Variants in PPEF2 observed in about 807,000 individuals in gnomAD.
PPEF2 encodes serine/threonine-protein phosphatase with EF-hands 2.
In PPEF2, 84 loss-of-function variants were observed where a neutral mutation model predicts 84.7. That is an observed-to-expected ratio of 0.99 (90% CI 0.83 to 1.19). The LOEUF is 1.19. Among genes scored for constraint, PPEF2 ranks in the 50% most tolerant of loss-of-function variants. The pLI is 0.00. For synonymous variants in PPEF2, 346 were observed against 345.2 expected, an observed-to-expected ratio of 1.00 and a Z score of -0.03; for missense variants, 924 against 937.5, an observed-to-expected ratio of 0.99 and a Z score of 0.19.
At chr4:75,890,257 G>T in intron 4 of PPEF2, 125 bp from the exon 5 acceptor site, 1 of 1,024,168 alleles carries the variant, frequency 9.8e-7, no homozygotes, top group Non-Finnish European at 1.4e-6. Context: ...GGGCCAAGGA[G>T]GGAGGATTGC....
At position 75,898,175 on chromosome 4, in the gene PPEF2, C is replaced by G. The variant is rs112782367; in HGVS notation, c.-58-1792G>C. Among the ~76,000 whole-genome samples, 9 of 152,316 alleles carry G rather than the reference C, an allele frequency of 5.9e-5. No homozygotes were observed. The East Asian group carries it at 1.7e-3, about 29-fold the overall frequency. On this transcript the variant is annotated intron_variant, in intron 1 of 16. Coordinates refer to ENST00000286719, the MANE Select transcript of PPEF2 (RefSeq NM_006239.3). Reference sequence around the variant, plus strand: ...CCTTTAAGCGGTTTTCTGCCCTGGGCGGGCCAGATGTTCCCTGCCCTCATT... The same window carrying G: ...CCTTTAAGCGGTTTTCTGCCCTGGGGGGGCCAGATGTTCCCTGCCCTCATT...
At chr4:75,895,414 G>A (rs2149229836) in intron 2 of PPEF2, among the ~76,000 whole-genome samples, 2 of 149,726 alleles carry the variant, frequency 1.3e-5, no homozygotes, top group Admixed American at 1.3e-4. Flanking sequence ...GGGCCACAGA[G>A]GGAAACTCGG....
intron 12 of PPEF2, among the ~76,000 whole-genome samples, chr4:75,872,740 T>C (rs1284779644): frequency 2.0e-5 from 3 of 152,142 alleles, no homozygotes; most frequent in Non-Finnish European, 4.4e-5. Context: ...GAGACAAATA[T>C]TGTAGGATTT....
intron 6 of PPEF2, among the ~76,000 whole-genome samples, chr4:75,887,620 C>CAAAAAAAAA (rs34334071): frequency 8.1e-6 from 1 of 123,638 alleles, no homozygotes; most frequent in Non-Finnish European, 1.7e-5. Flanking sequence ...GACTGTGTCT[C>CAAAAAAAAA]AAAAAAAAAA....
chr4:75,898,799 G>A (rs1349603159), intron 1 of PPEF2, among the ~76,000 whole-genome samples: 2 of 151,948 alleles, frequency 1.3e-5, no homozygotes, highest in Non-Finnish European at 2.9e-5. Context: ...TACATTGTGT[G>A]ATCAAAGCAT....
At chr4:75,871,364 C>T (rs565426583) in intron 13 of PPEF2, among the ~76,000 whole-genome samples, 4 of 152,166 alleles carry the variant, frequency 2.6e-5, no homozygotes, top group East Asian at 3.9e-4. Flanking sequence ...AACACAAACC[C>T]GTTAAAGATG....
chr4:75,885,945 G>A (rs1276994979), intron 7 of PPEF2, among the ~76,000 whole-genome samples: 1 of 151,972 alleles, frequency 6.6e-6, no homozygotes, highest in African/African-American at 2.4e-5. Context: ...GGACGCGGAG[G>A]TTGCAGTGAG....
At position 75,884,720 on chromosome 4, in the gene PPEF2, C is replaced by T. The variant is rs1321294312; in HGVS notation, c.620G>A (p.Gly207Asp). The change falls in exon 8 of 17, where the codon GGT (glycine) becomes GAT (aspartate). Residue 207 changes from glycine (G) to aspartate (D), a missense_variant. Gly to Asp is a moderately conservative substitution (Grantham distance 94). Coordinates refer to ENST00000286719, the MANE Select transcript of PPEF2 (RefSeq NM_006239.3). ...PSPERSYVFN[G>D]DFVDRGKDSV... ...ATCCTTGCCTCGATCCACAAAGTCA[C>T]CGTTGAACACATATGACCGTTCTGG... 2 of 1,610,486 alleles carry T rather than the reference C, an allele frequency of 1.2e-6. No homozygotes were observed. The highest frequency in any genetic ancestry group is 1.3e-5 in the African/African-American group (1 of 74,738).
intron 1 of PPEF2, among the ~76,000 whole-genome samples, chr4:75,900,221 C>A (rs1204199160): frequency 1.3e-5 from 2 of 151,988 alleles, no homozygotes. Context: ...TTAAATAAAT[C>A]CTCTTTTGCC....
chr4:75,882,865 T>C, intron 10 of PPEF2, 61 bp downstream of exon 10: 2 of 1,546,554 alleles, frequency 1.3e-6, no homozygotes, highest in Non-Finnish European at 1.8e-6. Context: ...TAAGATGACA[T>C]TTATATTGGC....
At chr4:75,889,324 G>T (rs190674378) in intron 5 of PPEF2, 1 of 152,592 alleles carries the variant, frequency 6.6e-6, no homozygotes, top group Non-Finnish European at 1.5e-5. Context: ...CTCTTCCCCT[G>T]GCTCCCTCTT....
chr4:75,883,488 TG>T, intron 8 of PPEF2: 1 of 390,652 alleles, frequency 2.6e-6, no homozygotes, highest in Non-Finnish European at 4.6e-6. Flanking sequence ...ACAAATTCAA[TG>T]GTTTCATTGG....
chr4:75,877,246 G>A (rs60044896), intron 10 of PPEF2, among the ~76,000 whole-genome samples: 13,119 of 151,536 alleles, frequency 0.087, 1,867 homozygotes, highest in African/African-American at 0.3. Flanking sequence ...CTGAGGCAGG[G>A]GAATTGCTTG....
At chr4:75,883,351 C>T (rs5015809) in intron 8 of PPEF2, 149 bp from the exon 9 acceptor site, 656,094 of 688,472 alleles carry the variant, frequency 0.95, 317,728 homozygotes, top group East Asian at 1. Context: ...ATGTTTAAAA[C>T]TATGTCATTA....
chr4:75,870,556 A>G (rs1279524713), intron 13 of PPEF2, among the ~76,000 whole-genome samples: 1 of 152,340 alleles, frequency 6.6e-6, no homozygotes, highest in Non-Finnish European at 1.5e-5. Context: ...AAGCATGTTC[A>G]ATAGCACTAA....
chr4:75,864,446 G>A lies in PPEF2; in HGVS notation c.2002C>T (p.His668Tyr), dbSNP rs1362394165. 2 of 1,600,898 alleles carry A rather than the reference G, an allele frequency of 1.2e-6. No homozygotes were observed. The highest frequency in any genetic ancestry group is 2.2e-5 in the South Asian group (2 of 90,730). ...GAATAATGAGTGCCTTTACCTGAAT[G>A]ATCACTGTCTATGATCCTAAAAATG... Reference protein sequence around the residue: ...ETIFRIIDSDHSGFISLDEFR... With the variant: ...ETIFRIIDSDYSGFISLDEFR... Residue 668 changes from histidine to tyrosine, a missense_variant, in exon 16 of 17, where the codon CAT becomes TAT. Coordinates refer to ENST00000286719, the MANE Select transcript of PPEF2 (RefSeq NM_006239.3).
chr4:75,882,535 C>T (rs1724603708), intron 10 of PPEF2, among the ~76,000 whole-genome samples: 1 of 85,166 alleles, frequency 1.2e-5, no homozygotes, highest in African/African-American at 3.1e-5. Flanking sequence ...TGCAGGTTCT[C>T]AATCTTTTTT....
In PPEF2 at chr4:75,890,001, G is replaced by A. The variant is rs1724835073; in HGVS notation, c.373C>T (p.Pro125Ser). 1.2e-6 allele frequency: 2 copies of A among 1,614,046 alleles called. No homozygotes were observed. The highest frequency in any genetic ancestry group is 1.7e-6 in the Non-Finnish European group (2 of 1,180,034). ...TCTACCAGGGCAGTTGCATGGTCAG[G>A]CAGGAGTGGGAAGGAGAGGCGTGGC... ...TGPRLSFPLL[P>S]DHATALVEAF... is the part of the protein sequence containing the mutation. The change falls in exon 5 of 17, where the codon CCT becomes TCT. Residue 125 changes from proline (P) to serine (S), a missense_variant. Physicochemically the swap from Pro to Ser is moderately conservative, Grantham distance 74. Coordinates refer to ENST00000286719, the MANE Select transcript of PPEF2 (RefSeq NM_006239.3).
At chr4:75,898,058 G>A (rs574165825) in intron 1 of PPEF2, among the ~76,000 whole-genome samples, 4 of 152,332 alleles carry the variant, frequency 2.6e-5, no homozygotes, top group South Asian at 2.1e-4. Flanking sequence ...GGGATGGGCC[G>A]AATTAAAGGA....
Sources: allele counts gnomAD v4.1 joint callset (sites outside exome capture counted in the v4.1 genomes callset), GRCh38; gene constraint gnomAD v4.1.1; transcripts MANE v1.5; gene names NCBI Gene and HGNC (gene_info 2026-07-23, HGNC 2026-07-21).